The following IFT81 variants were observed in gnomAD, a reference collection of about 807,000 sequenced individuals.
The protein encoded by IFT81 is intraflagellar transport protein 81 homolog.
IFT81 carries 72 observed loss-of-function variants against 102.6 expected under a neutral mutation model. The ratio of observed to expected loss-of-function variants is 0.70; its 90% CI spans 0.58 to 0.85. The LOEUF is 0.85. IFT81 is among the 40% of genes least tolerant of loss of function. The pLI is 0.00. For synonymous variants in IFT81, 237 were observed against 242.7 expected, an observed-to-expected ratio of 0.98 and a Z score of 0.22; for missense variants, 723 against 787.3, an observed-to-expected ratio of 0.92 and a Z score of 0.98.
At chr12:110,206,592 T>A (rs965152872) in intron 17 of IFT81, among the ~76,000 whole-genome samples, 1 of 151,756 alleles carries the variant, frequency 6.6e-6, no homozygotes, top group African/African-American at 2.4e-5. Context: ...TGGGAATCGC[T>A]TGAACCCGGG....
At chr12:110,211,851 GT>G (rs1366867639) in intron 18 of IFT81, among the ~76,000 whole-genome samples, 1 of 152,074 alleles carries the variant, frequency 6.6e-6, no homozygotes, top group African/African-American at 2.4e-5. Flanking sequence ...GGTAGGGGTT[GT>G]TTAGCTGCAA....
intron 8 of IFT81, among the ~76,000 whole-genome samples, chr12:110,138,179 T>A (rs1328307972): frequency 2.0e-5 from 3 of 152,124 alleles, no homozygotes; most frequent in Non-Finnish European, 4.4e-5. Context: ...GAGCAGGAGG[T>A]TAAGGAGTTC....
At position 110,177,309 on chromosome 12, in the gene IFT81, A is replaced by G. The variant is rs187787222; in HGVS notation, c.1189-3113A>G. On this transcript the variant is annotated intron_variant, in intron 11 of 18. Transcript: ENST00000242591. ...TTTGTTTTGTTTTGTTTGAGACAGA[A>G]TCTCGCTCTGTCGCTCAGGCTGGAG... 6.9e-3 allele frequency among the ~76,000 whole-genome samples: 1,045 copies of G among 152,162 alleles called. 1 individual carries two copies. Among genetic ancestry groups the G allele is most frequent in the Non-Finnish European group, 9.5e-3 (643 of 67,992 alleles).
At position 110,132,475 on chromosome 12, in the gene IFT81, A is replaced by T. The variant is rs549878437; in HGVS notation, c.430-72A>T. 72 of 619,632 alleles carry T rather than the reference A, an allele frequency of 1.2e-4. No homozygotes were observed. In the African/African-American group the frequency reaches 1.4e-3, roughly 12 times the overall value. The allele number at this position is 619,632 out of a possible 1,614,324, so 38.4% of individuals were successfully genotyped here. Reference sequence around the variant, plus strand: ...AGTCTGTCTCAAAAAAAAAAAAAAAAGAAAGAAAGAAAGAAAGAAAACTCT... The same window carrying T: ...AGTCTGTCTCAAAAAAAAAAAAAAATGAAAGAAAGAAAGAAAGAAAACTCT... On this transcript the variant is annotated intron_variant, in intron 4 of 18. Transcript: ENST00000242591.
chr12:110,166,635 C>G (rs1367996424), intron 11 of IFT81, among the ~76,000 whole-genome samples: 1 of 151,486 alleles, frequency 6.6e-6, no homozygotes, highest in Non-Finnish European at 1.5e-5. Flanking sequence ...AATAATTTTC[C>G]CAAAGTTACA....
At chr12:110,211,379 A>G (rs746057072) in intron 18 of IFT81, among the ~76,000 whole-genome samples, 5 of 151,806 alleles carry the variant, frequency 3.3e-5, no homozygotes, top group Non-Finnish European at 5.9e-5. Context: ...AAAGGCAAAC[A>G]GTTTGACTTA....
intron 11 of IFT81, 70 bp downstream of exon 11, chr12:110,163,135 CT>C (rs1896234164): frequency 8.0e-7 from 1 of 1,248,784 alleles, no homozygotes; most frequent in Non-Finnish European, 1.1e-6. Context: ...GTGTGTTTGA[CT>C]TTCTTAGTGT....
At chr12:110,198,237 G>T (rs976398614) in intron 14 of IFT81, among the ~76,000 whole-genome samples, 4 of 150,524 alleles carry the variant, frequency 2.7e-5, no homozygotes, top group Admixed American at 1.3e-4. Context: ...TTTAGTGTTC[G>T]CAGTAAAGAA....
At chr12:110,176,611 A>G (rs1897045565) in intron 11 of IFT81, among the ~76,000 whole-genome samples, 1 of 152,246 alleles carries the variant, frequency 6.6e-6, no homozygotes, top group Non-Finnish European at 1.5e-5. Context: ...GATAATTAAA[A>G]GAAACCACCA....
intron 11 of IFT81, among the ~76,000 whole-genome samples, chr12:110,172,430 A>T (rs1261180763): frequency 6.6e-6 from 1 of 151,812 alleles, no homozygotes; most frequent in Non-Finnish European, 1.5e-5. Flanking sequence ...TCTCCCTCTG[A>T]TGCCGAGCTG....
chr12:110,203,483 A>G, intron 14 of IFT81: 1 of 185,344 alleles, frequency 5.4e-6, no homozygotes, highest in Non-Finnish European at 1.1e-5. Flanking sequence ...GTCCCCACTG[A>G]TCCCCAAGCC....
Position 110,203,957 on chromosome 12 carries a change from A to G in IFT81, c.1644+7A>G. ...TCGGTCCAAATTAGAACAGGTAAGA[A>G]GAGAGTTTTTATTTTAACAATTTAG... On this transcript the variant is annotated splice_region_variant and intron_variant, in intron 15 of 18. Transcript: ENST00000242591. 6.3e-7 allele frequency: 1 copy of G among 1,593,978 alleles called. No individual in the cohort carries two copies. Among genetic ancestry groups the G allele is most frequent in the Non-Finnish European group, 8.6e-7 (1 of 1,164,622 alleles).
At chr12:110,138,616 A>G (rs917904213) in intron 8 of IFT81, among the ~76,000 whole-genome samples, 23 of 152,274 alleles carry the variant, frequency 1.5e-4, no homozygotes, top group African/African-American at 5.5e-4. Context: ...TGTTTTTAGT[A>G]GAGACGGGGT....
intron 8 of IFT81, among the ~76,000 whole-genome samples, chr12:110,142,750 A>G (rs1054000451): frequency 6.6e-6 from 1 of 151,838 alleles, no homozygotes; most frequent in African/African-American, 2.4e-5. Flanking sequence ...AAAATTACCT[A>G]GGCGTGGTGA....
At chr12:110,153,565 G>A (rs1895662706) in intron 10 of IFT81, among the ~76,000 whole-genome samples, 1 of 148,610 alleles carries the variant, frequency 6.7e-6, no homozygotes, top group East Asian at 2.0e-4. Context: ...AGTGTTGGGT[G>A]GAATTCACCA....
At chr12:110,173,977 G>A (rs868633643) in intron 11 of IFT81, among the ~76,000 whole-genome samples, 2,615 of 149,646 alleles carry the variant, frequency 0.017, 81 homozygotes, top group African/African-American at 0.06. Flanking sequence ...AAAAAAGAAA[G>A]AAAAAAAAAG....
At chr12:110,171,834 CTGACAAA>C (rs1896747908) in intron 11 of IFT81, 1 of 152,170 alleles carries the variant, frequency 6.6e-6, no homozygotes, top group African/African-American at 2.4e-5. Context: ...GCACAAGACA[CTGACAAA>C]TGAGCAGAAA....
rs1199364693 is a variant in IFT81 at position 110,218,100 on chromosome 12, AG to A, written c.1906del (p.Ala636GlnfsTer10). ...RESHGPNMKQ[A>X]KMWRDLEQLM... ...AAAGTCATGGTCCAAATATGAAACA[AG>A]CAAAAATGTGGCGTGATTTGGAACA... On this transcript the variant is annotated frameshift_variant, in exon 19 of 19. Coordinates refer to ENST00000242591, the MANE Select transcript of IFT81 (RefSeq NM_014055.4). LOFTEE classifies it high-confidence loss of function. 1 of 1,605,442 alleles carries A rather than the reference AG, an allele frequency of 6.2e-7. No homozygotes were observed. Among genetic ancestry groups the A allele is most frequent in the South Asian group, 1.1e-5 (1 of 88,578 alleles).
chr12:110,140,608 A>G (rs1054010747), intron 8 of IFT81, among the ~76,000 whole-genome samples: 3 of 152,226 alleles, frequency 2.0e-5, no homozygotes, highest in African/African-American at 7.2e-5. Context: ...GAACCTGAGG[A>G]TGGAAAAGCT....
Sources: gnomAD v4.1 joint callset for allele counts (sites outside exome capture counted in the v4.1 genomes callset) on GRCh38, gnomAD v4.1.1 for gene constraint, MANE v1.5 for transcripts, NCBI Gene and HGNC (gene_info 2026-07-23, HGNC 2026-07-21) for gene names.